IGSF11: variants seen among roughly 807,000 people sequenced by gnomAD.
IGSF11 encodes the protein CXADR like 1.
In IGSF11, 22 loss-of-function variants were observed where a neutral mutation model predicts 41.0. That is an observed-to-expected ratio of 0.54 (90% CI 0.38 to 0.77). IGSF11 has a LOEUF of 0.77. IGSF11 is among the 30% of genes least tolerant of loss of function. The pLI is 0.00. For missense variants in IGSF11, 444 were observed against 530.8 expected, an observed-to-expected ratio of 0.84 and a Z score of 1.61; for synonymous variants, 219 against 201.3, an observed-to-expected ratio of 1.09 and a Z score of -0.74.
intron 1 of IGSF11, among the ~76,000 whole-genome samples, chr3:119,001,752 G>C (rs1936899996): frequency 6.7e-6 from 1 of 150,172 alleles, no homozygotes; most frequent in South Asian, 2.1e-4. Flanking sequence ...ATAGTTTACT[G>C]AGAATGATGG....
chr3:119,074,419 T>C (rs2076457412), intron 1 of IGSF11, among the ~76,000 whole-genome samples: 1 of 151,996 alleles, frequency 6.6e-6, no homozygotes, highest in Non-Finnish European at 1.5e-5. Flanking sequence ...GACTTTTGGG[T>C]AAACAATAAA....
intron 1 of IGSF11, among the ~76,000 whole-genome samples, chr3:119,111,739 TTGA>T (rs1474244792): frequency 6.6e-6 from 1 of 152,338 alleles, no homozygotes; most frequent in East Asian, 1.9e-4. Flanking sequence ...CTTTTGGTCT[TTGA>T]TGATGGTGAT....
chr3:118,950,489 T>C (rs1431157578), intron 1 of IGSF11, among the ~76,000 whole-genome samples: 8 of 152,118 alleles, frequency 5.3e-5, no homozygotes, highest in Non-Finnish European at 1.5e-5. Flanking sequence ...ATATATTTTA[T>C]AGAGAATATT....
chr3:118,906,576 G>A (rs960102799), intron 4 of IGSF11, among the ~76,000 whole-genome samples: 1 of 152,210 alleles, frequency 6.6e-6, no homozygotes, highest in African/African-American at 2.4e-5. Flanking sequence ...TGGATCTACA[G>A]GGGAAGCAGC....
chr3:118,986,280 G>A lies in IGSF11; in HGVS notation c.52+48251C>T, dbSNP rs574377411. The stretch of plus-strand genomic sequence containing the variant: ...CAGTCATGCCTCTAAAGCACCCATC[G>A]CACCCCATTTAAATGTCTATTCACT... On this transcript the variant is annotated intron_variant, in intron 1 of 6. Transcript: ENST00000393775. 3.3e-5 allele frequency among the ~76,000 whole-genome samples: 5 copies of A among 152,070 alleles called. No homozygotes were observed. The East Asian group carries it at 7.7e-4, about 24-fold the overall frequency.
chr3:119,023,963 G>C (rs1939571571), intron 1 of IGSF11, among the ~76,000 whole-genome samples: 1 of 152,172 alleles, frequency 6.6e-6, no homozygotes, highest in African/African-American at 2.4e-5. Context: ...AAATTGTGAA[G>C]AGATTTACCG....
At chr3:119,042,833 C>T (rs6786580) in intron 1 of IGSF11, among the ~76,000 whole-genome samples, 8,490 of 152,170 alleles carry the variant, frequency 0.056, 785 homozygotes, top group African/African-American at 0.19. Flanking sequence ...TTGAAAACAC[C>T]ACCTCCTGGC....
At chr3:119,065,008 C>A (rs1248728501) in intron 1 of IGSF11, among the ~76,000 whole-genome samples, 1 of 151,986 alleles carries the variant, frequency 6.6e-6, no homozygotes, top group Non-Finnish European at 1.5e-5. Context: ...ATTTTTCTTG[C>A]CTTATTGTAC....
At chr3:119,110,770 T>C (rs1424881608) in intron 1 of IGSF11, among the ~76,000 whole-genome samples, 1 of 152,068 alleles carries the variant, frequency 6.6e-6, no homozygotes, top group Admixed American at 6.5e-5. Context: ...TCAGGAGCTC[T>C]TTTAGGGCAG....
intron 1 of IGSF11, among the ~76,000 whole-genome samples, chr3:118,965,774 C>T (rs1945629864): frequency 6.6e-6 from 1 of 152,084 alleles, no homozygotes; most frequent in Admixed American, 6.6e-5. Context: ...TCTACCACTT[C>T]TAAAATCCCT....
At chr3:118,973,958 C>T (rs982969867) in intron 1 of IGSF11, among the ~76,000 whole-genome samples, 12 of 151,846 alleles carry the variant, frequency 7.9e-5, no homozygotes, top group Non-Finnish European at 1.5e-4. Flanking sequence ...TCAGAGGGGC[C>T]GGGGGAAGGA....
Position 118,902,849 on chromosome 3 carries a change from T to C in IGSF11, c.967A>G (p.Ser323Gly). ...SSNAYNSRYWSNNPKVHRNTE... is the reference protein window; with the variant it reads ...SSNAYNSRYWGNNPKVHRNTE... ...TTTCTATGAACTTTTGGATTGTTGC[T>C]CCAGTATCGACTGTTGTAGGCATTG... is the stretch of plus-strand genomic sequence containing the variant. The change falls in exon 7 of 7, where the codon AGC becomes GGC. Residue 323 changes from serine to glycine, a missense_variant. Ser to Gly is a moderately conservative substitution (Grantham distance 56, BLOSUM62 0). Around this residue, in one of 3 missense-constraint regions of IGSF11, gnomAD observed 223 missense variants for 226.2 expected, o/e 0.99. Transcript: ENST00000393775. The C allele has an allele frequency of 6.2e-7, 1 of 1,614,160 alleles. No homozygotes were observed. The highest frequency in any genetic ancestry group is 8.5e-7 in the Non-Finnish European group (1 of 1,179,998).
chr3:119,045,254 C>G (rs143182182), intron 1 of IGSF11, among the ~76,000 whole-genome samples: 9 of 152,170 alleles, frequency 5.9e-5, no homozygotes, highest in Admixed American at 3.3e-4. Context: ...CACTAGGGAG[C>G]GCCAGACAGT....
At chr3:119,047,871 A>G (rs1360423155) in intron 1 of IGSF11, among the ~76,000 whole-genome samples, 1 of 152,178 alleles carries the variant, frequency 6.6e-6, no homozygotes, top group African/African-American at 2.4e-5. Flanking sequence ...CTACATGGAA[A>G]CTGAACAACC....
chr3:119,047,575 T>A (rs910798441), intron 1 of IGSF11, among the ~76,000 whole-genome samples: 3 of 152,142 alleles, frequency 2.0e-5, no homozygotes. Flanking sequence ...ACTGTCAACA[T>A]TAGACAGACC....
At chr3:118,968,428 GA>G (rs139905972) in intron 1 of IGSF11, among the ~76,000 whole-genome samples, 3,903 of 152,238 alleles carry the variant, frequency 0.026, 138 homozygotes, top group African/African-American at 0.089. Context: ...ACTCTTCTGT[GA>G]AAAGGTCCTT....
intron 4 of IGSF11, among the ~76,000 whole-genome samples, chr3:118,924,484 T>C (rs985664423): frequency 1.3e-5 from 2 of 152,150 alleles, no homozygotes; most frequent in Non-Finnish European, 2.9e-5. Context: ...TACCATTTAA[T>C]GTACATGATT....
chr3:119,036,337 C>T (rs1418503013), upstream of IGSF11, among the ~76,000 whole-genome samples: 2 of 152,182 alleles, frequency 1.3e-5, no homozygotes, highest in Non-Finnish European at 2.9e-5. Context: ...TTCTTTTAAA[C>T]TCCAGGGTAA....
At chr3:118,975,533 G>C (rs988208103) in intron 1 of IGSF11, among the ~76,000 whole-genome samples, 2 of 152,114 alleles carry the variant, frequency 1.3e-5, no homozygotes, top group African/African-American at 4.8e-5. Context: ...AACACTGTTA[G>C]CCCCAGCTTT....
Sources: allele counts gnomAD v4.1 joint callset (sites outside exome capture counted in the v4.1 genomes callset), GRCh38; gene constraint gnomAD v4.1.1; regional missense constraint gnomAD v4.1.1; transcripts MANE v1.5; gene names NCBI Gene and HGNC (gene_info 2026-07-23, HGNC 2026-07-21).